Variants in CDH18 observed in about 807,000 individuals in gnomAD.
CDH18 encodes cadherin 18.
In CDH18, 31 loss-of-function variants were observed where a neutral mutation model predicts 67.9. The ratio of observed to expected loss-of-function variants is 0.46; its 90% CI spans 0.34 to 0.62. The LOEUF (loss-of-function observed/expected upper bound fraction) is 0.62. CDH18 is among the 20% of genes least tolerant of loss of function. The pLI, the probability that CDH18 is intolerant of heterozygous loss-of-function variation, is 0.01. For synonymous variants in CDH18, 362 were observed against 347.2 expected, an observed-to-expected ratio of 1.04 and a Z score of -0.48; for missense variants, 890 against 975.5, an observed-to-expected ratio of 0.91 and a Z score of 1.17.
chr5:20,459,584 T>G (rs1199443179), intron 1 of CDH18, among the ~76,000 whole-genome samples: 1 of 152,174 alleles, frequency 6.6e-6, no homozygotes, highest in East Asian at 1.9e-4. Context: ...AGGTCCACAG[T>G]GCCCTCCCCT....
rs576619466 is a variant in CDH18, at chr5:19,851,181, G to A, written c.-256-11939C>T. On this transcript the variant is annotated intron_variant, in intron 2 of 12. Coordinates refer to ENST00000382275, the MANE Select transcript of CDH18 (RefSeq NM_004934.5). Reference sequence around the variant, plus strand: ...AATTTGCCATGTTGTTAATATAACTGCTGCACTGTGGTCCTATAAAAATAA... The same window carrying A: ...AATTTGCCATGTTGTTAATATAACTACTGCACTGTGGTCCTATAAAAATAA... Among the ~76,000 whole-genome samples the A allele has an allele frequency of 5.3e-5, 8 of 151,798 alleles. No individual in the cohort carries two copies. The South Asian group carries it at 1.7e-3, about 31-fold the overall frequency.
intron 1 of CDH18, among the ~76,000 whole-genome samples, chr5:20,322,627 C>G (rs1738147333): frequency 6.6e-6 from 1 of 152,000 alleles, no homozygotes. Context: ...CAATAGATGT[C>G]AACTATGTTA....
chr5:19,956,945 G>A (rs895568568), intron 2 of CDH18, among the ~76,000 whole-genome samples: 3 of 151,784 alleles, frequency 2.0e-5, no homozygotes, highest in Non-Finnish European at 4.4e-5. Flanking sequence ...AAATCTATGT[G>A]ACTTATTTAT....
intron 5 of CDH18, among the ~76,000 whole-genome samples, chr5:19,686,464 C>A (rs914835541): frequency 3.3e-5 from 5 of 152,058 alleles, no homozygotes; most frequent in African/African-American, 9.7e-5. Context: ...AGTTGGAACA[C>A]CAGATATGGA....
intron 2 of CDH18, among the ~76,000 whole-genome samples, chr5:19,971,890 G>A (rs13181454): frequency 0.42 from 64,186 of 151,284 alleles, 15,991 homozygotes; most frequent in Middle Eastern, 0.64. Context: ...AATGTGAATC[G>A]AGGTGATCTG....
intron 1 of CDH18, among the ~76,000 whole-genome samples, chr5:20,283,134 C>A (rs1437439985): frequency 6.7e-6 from 1 of 149,430 alleles, no homozygotes; most frequent in Non-Finnish European, 1.5e-5. Context: ...ACACTAAGAC[C>A]TGAAACTATA....
intron 2 of CDH18, among the ~76,000 whole-genome samples, chr5:20,229,526 T>C (rs1580531510): frequency 1.3e-5 from 2 of 152,142 alleles, no homozygotes; most frequent in Admixed American, 1.3e-4. Flanking sequence ...TGATACATTA[T>C]TGTGCAATTA....
intron 3 of CDH18, among the ~76,000 whole-genome samples, chr5:19,803,668 G>A (rs370202856): frequency 6.6e-6 from 1 of 152,114 alleles, no homozygotes; most frequent in African/African-American, 2.4e-5. Context: ...CCAGTAAGAC[G>A]CAAAGCAAGA....
intron 3 of CDH18, among the ~76,000 whole-genome samples, chr5:19,838,446 T>G (rs1182973401): frequency 5.9e-5 from 9 of 152,062 alleles, no homozygotes; most frequent in Admixed American, 5.9e-4. Context: ...AAAGAAAAAA[T>G]TACTTAATTG....
In CDH18 at chr5:19,576,955, G is replaced by A. The variant is rs534953054; in HGVS notation, c.1000-5123C>T. On this transcript the variant is annotated intron_variant, in intron 7 of 12. Transcript: ENST00000382275. Reference sequence around the variant, plus strand: ...GTCATTTGTAACAACATGTGTGAACGTAGAGAACATTATGTTTAGTGAAAT... The same window carrying A: ...GTCATTTGTAACAACATGTGTGAACATAGAGAACATTATGTTTAGTGAAAT... Among the ~76,000 whole-genome samples, 27 of 152,284 alleles carry A rather than the reference G, an allele frequency of 1.8e-4. No individual in the cohort carries two copies. The South Asian group carries it at 4.8e-3, about 27-fold the overall frequency.
intron 2 of CDH18, among the ~76,000 whole-genome samples, chr5:20,197,474 T>G (rs1739072674): frequency 6.6e-6 from 1 of 152,214 alleles, no homozygotes; most frequent in Non-Finnish European, 1.5e-5. Flanking sequence ...GTTATACGAA[T>G]GCATGCAAGA....
At chr5:20,479,241 C>T (rs1472421307) in intron 1 of CDH18, among the ~76,000 whole-genome samples, 2 of 152,032 alleles carry the variant, frequency 1.3e-5, no homozygotes, top group African/African-American at 2.4e-5. Flanking sequence ...CAAGAACATA[C>T]AGGAAAATAT....
chr5:19,578,907 A>G (rs927583780), intron 7 of CDH18, among the ~76,000 whole-genome samples: 50 of 151,782 alleles, frequency 3.3e-4, no homozygotes, highest in Non-Finnish European at 1.2e-4. Context: ...TTTTTCACTA[A>G]CTTTTAGTTG....
rs1743024110 is a variant in CDH18 at position 20,242,604 on chromosome 5, A to AT, written c.-518+12839_-518+12840insA. On this transcript the variant is annotated intron_variant, in intron 2 of 14. Coordinates refer to the CDH18 transcript ENST00000507958. ...TTTGGGTTTCATTGAGGGAAAAAAA[A>AT]AAAAAAAATATATATATATATATAT... is the stretch of plus-strand genomic sequence containing the variant. Among the ~76,000 whole-genome samples the AT allele has an allele frequency of 5.1e-3, 358 of 70,440 alleles. 30 individuals are homozygous for AT. The highest frequency in any genetic ancestry group is 0.033 in the African/African-American group (340 of 10,184). 46.2% of individuals were successfully genotyped at this position (70,440 alleles called of 152,430 possible).
intron 2 of CDH18, among the ~76,000 whole-genome samples, chr5:19,946,315 T>C (rs962823087): frequency 7.2e-5 from 11 of 152,086 alleles, no homozygotes; most frequent in Non-Finnish European, 1.0e-4. Flanking sequence ...TAAACTAAGA[T>C]AATTTGCTCT....
At chr5:20,256,846 A>G (rs1289265812) in intron 1 of CDH18, among the ~76,000 whole-genome samples, 1 of 152,048 alleles carries the variant, frequency 6.6e-6, no homozygotes, top group East Asian at 1.9e-4. Context: ...AATGAGAAAT[A>G]GCAATCACTA....
chr5:19,895,591 C>G (rs879769504), intron 2 of CDH18, among the ~76,000 whole-genome samples: 3 of 152,068 alleles, frequency 2.0e-5, no homozygotes, highest in Non-Finnish European at 2.9e-5. Flanking sequence ...TTTGTTATAA[C>G]CTGGATCTGA....
chr5:19,624,795 A>G (rs150648267), intron 5 of CDH18, among the ~76,000 whole-genome samples: 205 of 152,190 alleles, frequency 1.3e-3, no homozygotes, highest in African/African-American at 4.6e-3. Flanking sequence ...GTTCCCCTTA[A>G]TCTCTAGTAC....
intron 1 of CDH18, among the ~76,000 whole-genome samples, chr5:20,392,779 T>A (rs1421574907): frequency 2.0e-5 from 3 of 151,962 alleles, no homozygotes; most frequent in African/African-American, 7.2e-5. Flanking sequence ...TATTTACTTA[T>A]ATGAATTAAA....
Sources: allele counts gnomAD v4.1 joint callset (sites outside exome capture counted in the v4.1 genomes callset), GRCh38; gene constraint gnomAD v4.1.1; transcripts MANE v1.5; gene names NCBI Gene and HGNC (gene_info 2026-07-23, HGNC 2026-07-21).